Variants in NLGN1 observed in about 807,000 individuals in gnomAD.
The protein encoded by NLGN1 is neuroligin 1.
A neutral mutation model predicts 65.5 loss-of-function variants in NLGN1; 12 were observed. The observed-to-expected ratio is 0.18, with a 90% CI of 0.12 to 0.30. NLGN1 has a LOEUF of 0.30. Ranked by LOEUF, NLGN1 falls within the 10% of genes least tolerant of loss-of-function variation. The probability of loss-of-function intolerance (pLI) is 1.00; values close to 1 mark genes in which losing one functional copy is unlikely to be tolerated. For synonymous variants in NLGN1, 350 were observed against 359.5 expected (o/e 0.97, Z 0.30); for missense variants, 750 against 1,007.1 (o/e 0.74, Z 3.46).
intron 4 of NLGN1, among the ~76,000 whole-genome samples, chr3:173,845,393 T>G (rs1424489289): frequency 6.6e-6 from 1 of 152,088 alleles, no homozygotes; most frequent in Admixed American, 6.5e-5. Flanking sequence ...AGCATCTGAG[T>G]GAATGATCCT....
At chr3:173,778,471 G>A (rs1449951403) in intron 3 of NLGN1, among the ~76,000 whole-genome samples, 1 of 151,720 alleles carries the variant, frequency 6.6e-6, no homozygotes, top group African/African-American at 2.4e-5. Flanking sequence ...ACAAGATAAG[G>A]GTAGAGGAAA....
rs200360653 is a variant in NLGN1 at position 174,270,180 on chromosome 3, G to A, written c.647-5135G>A. ...TTTGAAGTTTGATGTAGTCTTATTT[G>A]TTTATTTTTTTTTTTTTCCTGTGCT... On this transcript the variant is annotated intron_variant, in intron 4 of 6. Transcript: ENST00000457714. Among the ~76,000 whole-genome samples the A allele has an allele frequency of 1.8e-4, 8 of 44,380 alleles. No homozygotes were observed. In the South Asian group the frequency reaches 2.3e-3, roughly 13 times the overall value. The allele number at this position is 44,380 out of a possible 152,430, so 29.1% of individuals were successfully genotyped here. A position where few individuals can be genotyped will look rare whatever the true frequency, so the allele number is the denominator to read the frequency against.
At chr3:173,583,884 A>G (rs755289058) in intron 2 of NLGN1, among the ~76,000 whole-genome samples, 16 of 152,308 alleles carry the variant, frequency 1.1e-4, no homozygotes, top group Non-Finnish European at 2.1e-4. Context: ...ATACACACAC[A>G]CACAATCATA....
At chr3:173,639,905 T>A (rs1414419676) in intron 3 of NLGN1, among the ~76,000 whole-genome samples, 2 of 152,154 alleles carry the variant, frequency 1.3e-5, no homozygotes, top group Non-Finnish European at 2.9e-5. Context: ...CTTCCTTTCT[T>A]GCTCTCTCTT....
chr3:173,887,915 A>C (rs578052350), intron 4 of NLGN1, among the ~76,000 whole-genome samples: 118 of 152,104 alleles, frequency 7.8e-4, no homozygotes, highest in African/African-American at 2.7e-3. Flanking sequence ...CTTAATATGG[A>C]TCCTTTTCAA....
intron 3 of NLGN1, among the ~76,000 whole-genome samples, chr3:173,800,003 AT>A (rs11328249): frequency 0.22 from 19,957 of 92,554 alleles, 1,538 homozygotes; most frequent in African/African-American, 0.32. Flanking sequence ...TGCAATGGGT[AT>A]TTTTTTTTTT....
intron 3 of NLGN1, among the ~76,000 whole-genome samples, chr3:173,637,301 T>G (rs1051066604): frequency 8.5e-5 from 13 of 152,106 alleles, no homozygotes; most frequent in African/African-American, 2.9e-4. Flanking sequence ...TGAGAATAAT[T>G]TCGTTGCTCC....
At chr3:173,524,096 T>C (rs1735231367) in intron 2 of NLGN1, among the ~76,000 whole-genome samples, 1 of 151,054 alleles carries the variant, frequency 6.6e-6, no homozygotes, top group Admixed American at 6.6e-5. Context: ...AATTTTTTTT[T>C]TTTGTATGTT....
intron 4 of NLGN1, among the ~76,000 whole-genome samples, chr3:174,176,711 C>T (rs1729508661): frequency 6.6e-6 from 1 of 152,014 alleles, no homozygotes; most frequent in African/African-American, 2.4e-5. Flanking sequence ...GGGAAAGAAA[C>T]GTCATTTTAA....
chr3:173,783,101 C>A (rs1305372431), intron 3 of NLGN1, among the ~76,000 whole-genome samples: 2 of 151,982 alleles, frequency 1.3e-5, no homozygotes, highest in African/African-American at 4.8e-5. Context: ...CACACGAAAA[C>A]AAAGAGTGGT....
rs767151535 is a variant in NLGN1 at position 173,418,184 on chromosome 3, TTATAA to T, written c.-389-16819_-389-16815del. On this transcript the variant is annotated intron_variant, in intron 1 of 6. Coordinates refer to ENST00000457714, the Ensembl canonical transcript of NLGN1. ...ATATGTGAAATATTAGAAGGCATAA[TTATAA>T]TATAATTGGAAGATGTAATTATTAT... Among the ~76,000 whole-genome samples, 30 of 151,264 alleles carry T rather than the reference TTATAA, an allele frequency of 2.0e-4. 1 individual carries two copies. In the East Asian group the frequency reaches 2.1e-3, roughly 11 times the overall value.
At chr3:173,853,153 G>T (rs973048505) in intron 4 of NLGN1, among the ~76,000 whole-genome samples, 1 of 152,130 alleles carries the variant, frequency 6.6e-6, no homozygotes, top group Admixed American at 6.5e-5. Context: ...GACTTCTCAG[G>T]TTTTAGGTGT....
chr3:173,399,988 T>C (rs1717362370), intron 1 of NLGN1: 1 of 152,342 alleles, frequency 6.6e-6, no homozygotes, highest in South Asian at 2.1e-4. Flanking sequence ...TTATTATTTT[T>C]ACACAAAGGA....
At chr3:173,862,462 C>T (rs1046308005) in intron 4 of NLGN1, among the ~76,000 whole-genome samples, 5 of 143,410 alleles carry the variant, frequency 3.5e-5, no homozygotes, top group East Asian at 2.0e-4. Flanking sequence ...GCCGAGATCC[C>T]GCCACTGCAC....
intron 4 of NLGN1, among the ~76,000 whole-genome samples, chr3:174,034,081 A>G (rs1247254232): frequency 6.6e-6 from 1 of 152,142 alleles, no homozygotes; most frequent in African/African-American, 2.4e-5. Context: ...GAAACACTTT[A>G]TGTATAGAGG....
In NLGN1 at chr3:173,861,515, C is replaced by CGTGTGT. The variant is rs145812733; in HGVS notation, c.646+53720_646+53725dup. 1.9e-3 allele frequency among the ~76,000 whole-genome samples: 275 copies of CGTGTGT among 141,438 alleles called. 3 individuals carry two copies. The highest frequency in any genetic ancestry group is 6.6e-3 in the South Asian group (28 of 4,236). The allele number at this position is 141,438 out of a possible 152,430, so 92.8% of individuals were successfully genotyped here. ...GAATTGCCAATTCCAGTAGCTGGCA[C>CGTGTGT]GTGTGTGTGTGTGTGTGTGTGTGTG... is the stretch of plus-strand genomic sequence containing the variant. On this transcript the variant is annotated intron_variant, in intron 4 of 6. Coordinates refer to ENST00000457714, the Ensembl canonical transcript of NLGN1.
At chr3:174,147,728 G>T (rs1723612867) in intron 4 of NLGN1, among the ~76,000 whole-genome samples, 1 of 152,060 alleles carries the variant, frequency 6.6e-6, no homozygotes, top group South Asian at 2.1e-4. Flanking sequence ...AAACGTGCTA[G>T]TTTAAAACCT....
intron 4 of NLGN1, among the ~76,000 whole-genome samples, chr3:173,896,544 A>G (rs1579053777): frequency 6.6e-6 from 1 of 152,300 alleles, no homozygotes; most frequent in South Asian, 2.1e-4. Flanking sequence ...TTACTTTCAT[A>G]GTGTTTATGA....
intron 4 of NLGN1, among the ~76,000 whole-genome samples, chr3:173,836,307 G>A (rs1245611686): frequency 2.6e-5 from 4 of 151,862 alleles, no homozygotes; most frequent in African/African-American, 9.7e-5. Context: ...AAACATATTG[G>A]AGTTTTAAGA....
Sources: gnomAD v4.1 joint callset for allele counts (sites outside exome capture counted in the v4.1 genomes callset) on GRCh38, gnomAD v4.1.1 for gene constraint, MANE v1.5 for transcripts, NCBI Gene and HGNC (gene_info 2026-07-23, HGNC 2026-07-21) for gene names.